Variants in NKAIN3 observed in about 807,000 individuals in gnomAD.
NKAIN3 encodes the protein sodium/potassium-transporting ATPase subunit beta-1-interacting protein 3.
A neutral mutation model predicts 30.2 loss-of-function variants in NKAIN3; 25 were observed. The observed-to-expected ratio is 0.83, with a 90% CI of 0.60 to 1.16. NKAIN3 has a LOEUF of 1.16. Ranked by LOEUF, NKAIN3 falls within the 50% of genes most tolerant of loss-of-function variation. The pLI is 0.00. For synonymous variants in NKAIN3, 91 were observed against 89.6 expected, an observed-to-expected ratio of 1.02 and a Z score of -0.09; for missense variants, 225 against 254.1, an observed-to-expected ratio of 0.89 and a Z score of 0.78.
intron 5 of NKAIN3, among the ~76,000 whole-genome samples, chr8:62,929,928 C>A (rs907007689): frequency 2.6e-5 from 4 of 152,030 alleles, no homozygotes; most frequent in African/African-American, 9.7e-5. Flanking sequence ...TCCAATGTGT[C>A]CCAGGGAAGC....
At chr8:62,490,942 T>C (rs1018127987) in intron 1 of NKAIN3, among the ~76,000 whole-genome samples, 11 of 152,142 alleles carry the variant, frequency 7.2e-5, no homozygotes, top group African/African-American at 2.7e-4. Context: ...AAACAAACAC[T>C]CGATAAGTAG....
chr8:62,363,388 G>A (rs1455034909), intron 1 of NKAIN3, among the ~76,000 whole-genome samples: 2 of 152,086 alleles, frequency 1.3e-5, no homozygotes, highest in African/African-American at 4.8e-5. Context: ...CATCCTGCCT[G>A]AGCCCTTATA....
intron 3 of NKAIN3, among the ~76,000 whole-genome samples, chr8:62,737,089 G>C (rs1476113809): frequency 6.6e-6 from 1 of 152,160 alleles, no homozygotes; most frequent in Non-Finnish European, 1.5e-5. Flanking sequence ...CCACCAAAGG[G>C]TCTGTGGATT....
chr8:62,918,973 C>A (rs1822190211), intron 5 of NKAIN3, among the ~76,000 whole-genome samples: 2 of 150,780 alleles, frequency 1.3e-5, no homozygotes, highest in Non-Finnish European at 1.5e-5. Context: ...AAATTTACAA[C>A]CTTCCAGATG....
Position 62,289,674 on chromosome 8 carries a change from G to C in NKAIN3, c.54+40547G>C, listed in dbSNP as rs961506077. ...TGTAGTATAGTTTGAAGTCAGGTAG[G>C]GTGATGCCTCCAGCTTTGTTCTTTT... is the stretch of plus-strand genomic sequence containing the variant. On this transcript the variant is annotated intron_variant, in intron 1 of 6. Transcript: ENST00000623646. Among the ~76,000 whole-genome samples, 10 of 151,956 alleles carry C rather than the reference G, an allele frequency of 6.6e-5. No homozygotes were observed. In the South Asian group the frequency reaches 1.0e-3, roughly 16 times the overall value.
chr8:62,919,226 AATTTTTTTTTTTTT>A (rs1822200289), intron 5 of NKAIN3, among the ~76,000 whole-genome samples: 2 of 88,444 alleles, frequency 2.3e-5, no homozygotes, highest in African/African-American at 9.9e-5. Context: ...TTACTTTCAA[AATTTTTTTTTTTTT>A]TTTTTTTTTT....
At chr8:62,855,546 C>G (rs1157263470) in intron 4 of NKAIN3, 9 of 1,522,598 alleles carry the variant, frequency 5.9e-6, no homozygotes, top group Non-Finnish European at 8.2e-6. Context: ...TTAAACTCAA[C>G]CACCAGGGAG....
chr8:62,542,871 T>C (rs1482922400), intron 1 of NKAIN3, among the ~76,000 whole-genome samples: 3 of 152,276 alleles, frequency 2.0e-5, no homozygotes, highest in African/African-American at 7.2e-5. Context: ...CTAAGCAATG[T>C]GTAGTAATTT....
chr8:62,819,126 A>G (rs1231537753), intron 4 of NKAIN3, among the ~76,000 whole-genome samples: 4 of 136,432 alleles, frequency 2.9e-5, no homozygotes, highest in Non-Finnish European at 4.7e-5. Flanking sequence ...GAGTTACAGA[A>G]TTATCGTTAT....
intron 1 of NKAIN3, among the ~76,000 whole-genome samples, chr8:62,471,159 A>G (rs1040415258): frequency 6.6e-6 from 1 of 152,190 alleles, no homozygotes. Flanking sequence ...AACATTGTTT[A>G]TGGATGAATT....
intron 3 of NKAIN3, among the ~76,000 whole-genome samples, chr8:62,641,500 A>G (rs944676933): frequency 1.3e-5 from 2 of 152,194 alleles, no homozygotes; most frequent in African/African-American, 2.4e-5. Flanking sequence ...AATTCTTTGT[A>G]GCACATTTGC....
chr8:62,405,964 T>G (rs1804052792), intron 1 of NKAIN3, among the ~76,000 whole-genome samples: 1 of 152,204 alleles, frequency 6.6e-6, no homozygotes, highest in Non-Finnish European at 1.5e-5. Context: ...AAATCATTTT[T>G]AAACCAGTAT....
At chr8:62,502,649 T>G (rs1026682069) in intron 1 of NKAIN3, among the ~76,000 whole-genome samples, 1 of 152,158 alleles carries the variant, frequency 6.6e-6, no homozygotes, top group Non-Finnish European at 1.5e-5. Flanking sequence ...GTGTTCTCCC[T>G]GTATGATCTC....
intron 1 of NKAIN3, among the ~76,000 whole-genome samples, chr8:62,394,097 C>T (rs568897666): frequency 6.6e-6 from 1 of 152,278 alleles, no homozygotes; most frequent in East Asian, 1.9e-4. Context: ...TCTTGCTATA[C>T]TTGCAGCGGT....
intron 4 of NKAIN3, among the ~76,000 whole-genome samples, chr8:62,859,732 C>A (rs751604688): frequency 7.9e-5 from 12 of 151,938 alleles, no homozygotes; most frequent in Non-Finnish European, 1.6e-4. Flanking sequence ...TTGCTACCAA[C>A]CCCCAGTACT....
intron 4 of NKAIN3, among the ~76,000 whole-genome samples, chr8:62,803,797 A>C (rs1194560759): frequency 6.6e-6 from 1 of 152,136 alleles, no homozygotes; most frequent in East Asian, 1.9e-4. Flanking sequence ...CAACACAAAA[A>C]CCCTTTAAAA....
At chr8:62,821,113 A>G (rs563325500) in intron 4 of NKAIN3, among the ~76,000 whole-genome samples, 1 of 152,242 alleles carries the variant, frequency 6.6e-6, no homozygotes, top group African/African-American at 2.4e-5. Context: ...TTGAGGTAAG[A>G]ATGATACCAA....
At chr8:62,739,226 A>G (rs907562112) in intron 3 of NKAIN3, among the ~76,000 whole-genome samples, 3 of 152,158 alleles carry the variant, frequency 2.0e-5, no homozygotes, top group Non-Finnish European at 4.4e-5. Flanking sequence ...ACAAACTTGC[A>G]CATTCTGCAC....
intron 3 of NKAIN3, among the ~76,000 whole-genome samples, chr8:62,697,356 A>G (rs1814193771): frequency 1.3e-5 from 2 of 152,116 alleles, no homozygotes; most frequent in South Asian, 2.1e-4. Context: ...GGGCCTTTGC[A>G]TGTGCTGTTT....
Sources: gnomAD v4.1 joint callset for allele counts (sites outside exome capture counted in the v4.1 genomes callset) on GRCh38, gnomAD v4.1.1 for gene constraint, MANE v1.5 for transcripts, NCBI Gene and HGNC (gene_info 2026-07-23, HGNC 2026-07-21) for gene names.